Variants in SEMA4B observed in about 807,000 individuals in gnomAD.
The protein encoded by SEMA4B is semaphorin 4B, also known as semaphorin-4B.
In SEMA4B, 55 loss-of-function variants were observed where a neutral mutation model predicts 88.1. The ratio of observed to expected loss-of-function variants is 0.62; its 90% CI spans 0.50 to 0.78. The LOEUF is 0.78. SEMA4B is among the 30% of genes least tolerant of loss of function. SEMA4B has a pLI of 0.00. For missense variants in SEMA4B, 1,062 were observed against 1,111.9 expected (o/e 0.96, Z 0.64); for synonymous variants, 525 against 473.6 (o/e 1.11, Z -1.41).
At chr15:90,221,308 G>C (rs748630086) in intron 5 of SEMA4B, 59 bp from the exon 6 acceptor site, 3 of 1,414,060 alleles carry the variant, frequency 2.1e-6, no homozygotes, top group Non-Finnish European at 2.9e-6. Context: ...TCTGGGCCCT[G>C]AGCAGGGAGA....
intron 10 of SEMA4B, 22 bp from the exon 11 acceptor site, chr15:90,225,260 C>T (rs1257704775): frequency 1.7e-5 from 26 of 1,554,612 alleles, no homozygotes; most frequent in Non-Finnish European, 2.1e-5. Flanking sequence ...CACCCAGGGC[C>T]TGAGTCCTGT....
chr15:90,206,552 C>A, intron 1 of SEMA4B: 1 of 459,064 alleles, frequency 2.2e-6, no homozygotes, highest in South Asian at 3.2e-5. Flanking sequence ...GATTCGGCTT[C>A]ACCCGTAACC....
At chr15:90,225,524 A>C (rs1357491872) in intron 11 of SEMA4B, 127 bp downstream of exon 11, 4 of 1,288,176 alleles carry the variant, frequency 3.1e-6, no homozygotes, top group Non-Finnish European at 4.3e-6. Flanking sequence ...TCCAGTCATG[A>C]ACTATTAGAA....
At chr15:90,219,761 G>A (rs866205209) in intron 3 of SEMA4B, 32 bp from the exon 4 acceptor site, 2 of 1,570,960 alleles carry the variant, frequency 1.3e-6, no homozygotes, top group Middle Eastern at 3.4e-4. Flanking sequence ...GCTTGGGCGT[G>A]GGACTGATAT....
chr15:90,197,499 G>A (rs1157626464), upstream of SEMA4B, among the ~76,000 whole-genome samples: 13 of 151,854 alleles, frequency 8.6e-5, no homozygotes, highest in African/African-American at 1.5e-4. Context: ...GTGCAGTGGC[G>A]CGATCTCGGC....
In SEMA4B at chr15:90,225,394, C is replaced by T; in HGVS notation, c.1518C>T (p.His506=). The T allele has an allele frequency of 6.5e-7, 1 of 1,549,864 alleles. No homozygotes were observed. The highest frequency in any genetic ancestry group is 2.0e-5 in the Admixed American group (1 of 51,040). ...TGCAGAATCTGCTCCTGGACACCCACAGGGTGAGCAGGCCAACGAGGAATC... is the reference window on the plus strand; with the variant it reads ...TGCAGAATCTGCTCCTGGACACCCATAGGGTGAGCAGGCCAACGAGGAATC... The part of the protein sequence containing the change: ...QPVQNLLLDT[H]RGLLYAASHS... Residue 506 remains histidine (H), a synonymous_variant, in exon 11 of 14, where the codon CAC becomes CAT. Transcript: ENST00000411539.
At chr15:90,203,354 C>T (rs1006521726) in intron 1 of SEMA4B, among the ~76,000 whole-genome samples, 6 of 152,174 alleles carry the variant, frequency 3.9e-5, no homozygotes, top group African/African-American at 7.2e-5. Context: ...TGCCCTCAGA[C>T]CCTCTCATTT....
chr15:90,203,398 C>T (rs1960837552), intron 1 of SEMA4B, among the ~76,000 whole-genome samples: 1 of 152,218 alleles, frequency 6.6e-6, no homozygotes, highest in Admixed American at 6.5e-5. Flanking sequence ...GGGGCAGATG[C>T]TCCAATGGAC....
intron 1 of SEMA4B, chr15:90,206,596 A>T (rs984235923): frequency 3.6e-6 from 2 of 549,682 alleles, no homozygotes; most frequent in Non-Finnish European, 6.6e-6. Flanking sequence ...TTGCTGCTGG[A>T]GGGGTAATGG....
chr15:90,217,877 T>A (rs376034561), intron 3 of SEMA4B, 48 bp downstream of exon 3: 30 of 1,517,030 alleles, frequency 2.0e-5, no homozygotes, highest in East Asian at 1.4e-4. Context: ...GGATGGAGGG[T>A]GGTGGACTTC....
rs3029968 is a variant in SEMA4B, at chr15:90,222,971, T to TATATATATATATATACA, written c.862-588_862-587insATATATATATATATACA. ...AACTCTGTGTATATATATATATACA[T>TATATATATATATATACA]TTTTTTTTTTCCTTTTTGAGACAGG... is the stretch of plus-strand genomic sequence containing the variant. On this transcript the variant is annotated intron_variant, in intron 7 of 13. Transcript: ENST00000411539. Among the ~76,000 whole-genome samples the TATATATATATATATACA allele has an allele frequency of 2.8e-3, 343 of 123,622 alleles. 1 individual carries two copies. Among genetic ancestry groups the TATATATATATATATACA allele is most frequent in the African/African-American group, 0.012 (323 of 27,858 alleles). The allele number at this position is 123,622 out of a possible 152,430, so 81.1% of individuals were successfully genotyped here.
chr15:90,185,503 G>A lies in SEMA4B; in HGVS notation c.-122+422G>A, dbSNP rs541664522. ...CTCACTGAGCACCAAGGTGCTAGAA[G>A]GAGAAGGCTAGAAGGAGAAGGAAGT... On this transcript the variant is annotated intron_variant, in intron 1 of 14. Coordinates refer to the SEMA4B transcript ENST00000332496. 1.2e-4 allele frequency among the ~76,000 whole-genome samples: 19 copies of A among 152,360 alleles called. No individual in the cohort carries two copies. In the South Asian group the frequency reaches 3.9e-3, roughly 32 times the overall value.
intron 12 of SEMA4B, among the ~76,000 whole-genome samples, chr15:90,226,118 TA>T (rs1340425679): frequency 6.6e-6 from 1 of 152,162 alleles, no homozygotes; most frequent in Non-Finnish European, 1.5e-5. Context: ...GCTTTAGTAA[TA>T]GTAGGGCTAG....
In SEMA4B at chr15:90,218,166, G is replaced by A. The variant is rs562290120; in HGVS notation, c.384+337G>A. On this transcript the variant is annotated intron_variant, in intron 3 of 13. Coordinates refer to ENST00000411539, the MANE Select transcript of SEMA4B (RefSeq NM_198925.4). ...AAGACCTAACAAGTCAGCTTCCAGCGTGAACAGAGATTGGGTGGGGTGAGA... is the reference window on the plus strand; with the variant it reads ...AAGACCTAACAAGTCAGCTTCCAGCATGAACAGAGATTGGGTGGGGTGAGA... 1.1e-4 allele frequency among the ~76,000 whole-genome samples: 16 copies of A among 151,432 alleles called. No homozygotes were observed. In the East Asian group the frequency reaches 2.3e-3, roughly 22 times the overall value.
intron 1 of SEMA4B, among the ~76,000 whole-genome samples, chr15:90,190,740 TGTGTCTTGCTCTGTGTCTGTGTCA>T (rs1395643390): frequency 2.6e-5 from 4 of 152,216 alleles, no homozygotes; most frequent in African/African-American, 9.6e-5. Flanking sequence ...TGTGTCTGTG[TGTGTCTTGCTCTGTGTCTGTGTCA>T]GTGTCTTGCT....
chr15:90,223,006 T>C (rs1445727515), intron 7 of SEMA4B, among the ~76,000 whole-genome samples: 1 of 150,402 alleles, frequency 6.6e-6, no homozygotes, highest in Non-Finnish European at 1.5e-5. Flanking sequence ...GGTCTCACTT[T>C]GTCATCCAGG....
chr15:90,206,293 C>T (rs1022184816), intron 1 of SEMA4B, among the ~76,000 whole-genome samples: 1 of 152,174 alleles, frequency 6.6e-6, no homozygotes, highest in African/African-American at 2.4e-5. Context: ...CAACACAACG[C>T]GAGACTCCTG....
intron 1 of SEMA4B, among the ~76,000 whole-genome samples, chr15:90,185,738 C>G (rs7172562): frequency 0.44 from 66,517 of 151,954 alleles, 16,130 homozygotes; most frequent in East Asian, 0.71. Context: ...AGCATACAAA[C>G]TTTTAAAAAG....
chr15:90,204,819 A>C (rs981081166), intron 1 of SEMA4B, among the ~76,000 whole-genome samples: 1 of 152,194 alleles, frequency 6.6e-6, no homozygotes, highest in Admixed American at 6.5e-5. Context: ...TCTGTCTCCC[A>C]GGCTGGAGTA....
Sources: allele counts gnomAD v4.1 joint callset (sites outside exome capture counted in the v4.1 genomes callset), GRCh38; gene constraint gnomAD v4.1.1; transcripts MANE v1.5; gene names NCBI Gene and HGNC (gene_info 2026-07-23, HGNC 2026-07-21).